The following ABCA12 variants were observed in gnomAD, a reference collection of about 807,000 sequenced individuals.
ABCA12 encodes the protein ATP binding cassette subfamily A member 12.
A neutral mutation model predicts 293.5 loss-of-function variants in ABCA12; 156 were observed. That is an observed-to-expected ratio of 0.53 (90% CI 0.47 to 0.61). The LOEUF (loss-of-function observed/expected upper bound fraction) is 0.61. ABCA12 is among the 20% of genes least tolerant of loss of function. The pLI is 0.00. For synonymous variants in ABCA12, 1,063 were observed against 1,108.0 expected, an observed-to-expected ratio of 0.96 and a Z score of 0.81; for missense variants, 2,797 against 3,090.2, an observed-to-expected ratio of 0.91 and a Z score of 2.25.
At chr2:215,081,074 A>G (rs1254641613) in intron 2 of ABCA12, among the ~76,000 whole-genome samples, 1 of 152,176 alleles carries the variant, frequency 6.6e-6, no homozygotes. Flanking sequence ...CAGGAAAGAG[A>G]GAAATCAATT....
At chr2:215,040,843 T>C (rs1701085277) in intron 7 of ABCA12, among the ~76,000 whole-genome samples, 1 of 151,646 alleles carries the variant, frequency 6.6e-6, no homozygotes. Context: ...AAAAACAAAA[T>C]GTTATGTGTC....
intron 14 of ABCA12, among the ~76,000 whole-genome samples, chr2:215,017,266 A>G (rs1700525169): frequency 6.6e-6 from 1 of 152,218 alleles, no homozygotes; most frequent in Non-Finnish European, 1.5e-5. Context: ...TAAGCTCTGC[A>G]GCTCTTTTGG....
At chr2:215,113,444 G>C (rs755756954) in intron 1 of ABCA12, among the ~76,000 whole-genome samples, 1 of 152,146 alleles carries the variant, frequency 6.6e-6, no homozygotes, top group Non-Finnish European at 1.5e-5. Context: ...GATCAGTTTG[G>C]GATCTTGTAA....
chr2:215,102,028 CGTGTGTGT>C (rs71399171), intron 2 of ABCA12, among the ~76,000 whole-genome samples: 22 of 149,988 alleles, frequency 1.5e-4, no homozygotes, highest in Non-Finnish European at 2.1e-4. Flanking sequence ...TGTTTGTACA[CGTGTGTGT>C]GTGTGTGTGT....
intron 42 of ABCA12, among the ~76,000 whole-genome samples, chr2:214,956,130 A>T (rs1395714330): frequency 2.6e-5 from 4 of 152,172 alleles, no homozygotes; most frequent in Admixed American, 2.0e-4. Context: ...ATTGCTAATT[A>T]AGGGTTACTA....
At chr2:215,079,593 G>A (rs1701897380) in intron 2 of ABCA12, among the ~76,000 whole-genome samples, 1 of 152,158 alleles carries the variant, frequency 6.6e-6, no homozygotes, top group South Asian at 2.1e-4. Context: ...ATGTCTCCCA[G>A]TTCAATTACT....
At chr2:215,136,069 T>C (rs1478685956) in intron 1 of ABCA12, among the ~76,000 whole-genome samples, 2 of 152,216 alleles carry the variant, frequency 1.3e-5, no homozygotes, top group Non-Finnish European at 2.9e-5. Context: ...GGACTTTCTC[T>C]GACCTCACTC....
chr2:214,937,036 T>C (rs1236823600), intron 51 of ABCA12, among the ~76,000 whole-genome samples: 1 of 152,150 alleles, frequency 6.6e-6, no homozygotes, highest in Non-Finnish European at 1.5e-5. Flanking sequence ...CTAAGTATGC[T>C]TTGGCATATC....
chr2:214,959,106 G>C, intron 39 of ABCA12, 28 bp from the exon 40 acceptor site: 1 of 1,592,816 alleles, frequency 6.3e-7, no homozygotes, highest in Non-Finnish European at 8.6e-7. Flanking sequence ...TCTTCTATTA[G>C]TAGGTATTCA....
intron 29 of ABCA12, among the ~76,000 whole-genome samples, chr2:214,982,671 G>C (rs1300000938): frequency 1.3e-5 from 2 of 152,032 alleles, no homozygotes; most frequent in Non-Finnish European, 2.9e-5. Flanking sequence ...TCATTCCTTT[G>C]ACAAATATCT....
chr2:214,938,552 G>A (rs1364454835), intron 50 of ABCA12, among the ~76,000 whole-genome samples: 2 of 152,098 alleles, frequency 1.3e-5, no homozygotes, highest in South Asian at 4.1e-4. Flanking sequence ...TGTCTTCCAC[G>A]ATGGTTGAAC....
intron 7 of ABCA12, among the ~76,000 whole-genome samples, chr2:215,044,297 C>T (rs751276777): frequency 1.1e-4 from 17 of 152,150 alleles, no homozygotes; most frequent in Non-Finnish European, 2.2e-4. Context: ...GCTTCAGTTG[C>T]TCTATGTTCT....
chr2:215,065,436 C>T (rs1701623830), intron 2 of ABCA12, among the ~76,000 whole-genome samples: 1 of 150,932 alleles, frequency 6.6e-6, no homozygotes, highest in Admixed American at 6.6e-5. Context: ...ATTAATCTAC[C>T]AGTAGAAAGA....
chr2:215,040,817 AC>A, intron 7 of ABCA12, among the ~76,000 whole-genome samples: 9 of 148,198 alleles, frequency 6.1e-5, no homozygotes, highest in African/African-American at 1.9e-4. Flanking sequence ...GTCTCAAAAA[AC>A]AAACAAAAAA....
intron 1 of ABCA12, among the ~76,000 whole-genome samples, chr2:215,120,581 T>C (rs540614700): frequency 6.6e-6 from 1 of 152,126 alleles, no homozygotes; most frequent in South Asian, 2.1e-4. Flanking sequence ...AAGCAGCATA[T>C]GTGTGAAGAT....
At chr2:214,935,255 A>G (rs1698183575) in intron 51 of ABCA12, among the ~76,000 whole-genome samples, 1 of 152,140 alleles carries the variant, frequency 6.6e-6, no homozygotes, top group Admixed American at 6.6e-5. Context: ...CAAATTTGTA[A>G]AGAATGGTCT....
chr2:214,956,201 C>T (rs930133111), intron 42 of ABCA12, among the ~76,000 whole-genome samples: 24 of 152,216 alleles, frequency 1.6e-4, no homozygotes, highest in Admixed American at 1.5e-3. Flanking sequence ...GCCTGTGTTA[C>T]CTGTATTAGC....
chr2:215,063,790 G>C (rs893538989), intron 3 of ABCA12, among the ~76,000 whole-genome samples: 2 of 151,898 alleles, frequency 1.3e-5, no homozygotes, highest in Non-Finnish European at 2.9e-5. Flanking sequence ...TTTAAGGTTG[G>C]ATAGAGAATC....
chr2:215,022,606 C>A (rs1700655186), intron 11 of ABCA12: 1 of 152,160 alleles, frequency 6.6e-6, no homozygotes, highest in African/African-American at 2.4e-5. Context: ...GCCCTTCTCT[C>A]TTTTATCACG....
Sources: gnomAD v4.1 joint callset for allele counts (sites outside exome capture counted in the v4.1 genomes callset) on GRCh38, gnomAD v4.1.1 for gene constraint, MANE v1.5 for transcripts, NCBI Gene and HGNC (gene_info 2026-07-23, HGNC 2026-07-21) for gene names.